SLC35F1: variants seen among roughly 807,000 people sequenced by gnomAD.
The protein encoded by SLC35F1 is solute carrier family 35 member F1, also known as chromosome 6 open reading frame 169.
Under a neutral mutation model 48.7 loss-of-function variants are expected in SLC35F1, and 14 were observed. That is an observed-to-expected ratio of 0.29 (90% CI 0.19 to 0.45). The LOEUF is 0.45. Among genes scored for constraint, SLC35F1 ranks in the 20% least tolerant of loss-of-function variants. The pLI, the probability that SLC35F1 is intolerant of heterozygous loss-of-function variation, is 1.00. For synonymous variants in SLC35F1, 190 were observed against 202.2 expected (o/e 0.94, Z 0.51); for missense variants, 404 against 500.0 (o/e 0.81, Z 1.83).
At chr6:118,022,085 CA>C (rs899592624) in intron 1 of SLC35F1, among the ~76,000 whole-genome samples, 2 of 152,136 alleles carry the variant, frequency 1.3e-5, no homozygotes, top group Non-Finnish European at 2.9e-5. Flanking sequence ...AGAGGATTGC[CA>C]AAACCACATT....
intron 1 of SLC35F1, among the ~76,000 whole-genome samples, chr6:118,021,099 G>A (rs1487865005): frequency 6.6e-6 from 1 of 152,162 alleles, no homozygotes; most frequent in South Asian, 2.1e-4. Context: ...CAAGAATAGA[G>A]CCTGGAGACT....
At chr6:118,298,962 C>G (rs556197799) in intron 7 of SLC35F1, among the ~76,000 whole-genome samples, 1 of 152,056 alleles carries the variant, frequency 6.6e-6, no homozygotes, top group African/African-American at 2.4e-5. Context: ...ATTGCTTGAG[C>G]CTAGGAGTTT....
intron 1 of SLC35F1, among the ~76,000 whole-genome samples, chr6:117,955,138 C>T (rs1776412846): frequency 2.0e-5 from 3 of 152,268 alleles, no homozygotes; most frequent in Admixed American, 2.0e-4. Context: ...AACATTTTTA[C>T]ATGACATTTA....
intron 7 of SLC35F1, among the ~76,000 whole-genome samples, chr6:118,286,775 CTGTGTG>C (rs372641234): frequency 1.5e-4 from 22 of 143,578 alleles, no homozygotes; most frequent in East Asian, 4.0e-4. Flanking sequence ...TACCTTTTTT[CTGTGTG>C]TGTGTGTGTG....
intron 1 of SLC35F1, among the ~76,000 whole-genome samples, chr6:117,963,351 T>A (rs1387978082): frequency 6.6e-6 from 1 of 151,780 alleles, no homozygotes; most frequent in African/African-American, 2.4e-5. Flanking sequence ...TTTATTGTTT[T>A]TTTTTTTTGG....
Position 118,260,178 on chromosome 6 carries a change from A to G in SLC35F1, c.478-6817A>G, listed in dbSNP as rs1292241837. Among the ~76,000 whole-genome samples, 3 of 152,262 alleles carry G rather than the reference A, an allele frequency of 2.0e-5. No individual in the cohort carries two copies. In the East Asian group the frequency reaches 5.8e-4, roughly 29 times the overall value. ...TGAAATAGTCAGAATAGGTAAATCC[A>G]TAGAGACAGAAAGTAGATTCATGTT... On this transcript the variant is annotated intron_variant, in intron 3 of 7. Coordinates refer to ENST00000360388, the MANE Select transcript of SLC35F1 (RefSeq NM_001029858.4).
At chr6:118,080,006 GA>G (rs1308012847) in intron 1 of SLC35F1, among the ~76,000 whole-genome samples, 1 of 152,072 alleles carries the variant, frequency 6.6e-6, no homozygotes, top group African/African-American at 2.4e-5. Flanking sequence ...AGGGGACTAG[GA>G]ATTTAGAAAG....
intron 1 of SLC35F1, among the ~76,000 whole-genome samples, chr6:117,926,002 A>G (rs1000322805): frequency 6.6e-6 from 1 of 152,180 alleles, no homozygotes; most frequent in African/African-American, 2.4e-5. Context: ...GGTATATGAA[A>G]GATCTCACAC....
intron 1 of SLC35F1, among the ~76,000 whole-genome samples, chr6:118,103,334 A>G (rs1247868836): frequency 5.3e-5 from 8 of 152,182 alleles, no homozygotes; most frequent in Non-Finnish European, 8.8e-5. Flanking sequence ...TTTGTTACAT[A>G]TGTATACATG....
intron 3 of SLC35F1, among the ~76,000 whole-genome samples, chr6:118,243,473 T>C (rs963523489): frequency 1.1e-4 from 17 of 152,166 alleles, no homozygotes; most frequent in Non-Finnish European, 2.2e-4. Context: ...CTTAGCTAAA[T>C]GCTAGGGATA....
intron 3 of SLC35F1, among the ~76,000 whole-genome samples, chr6:118,258,386 C>T (rs992586858): frequency 1.1e-4 from 16 of 152,008 alleles, no homozygotes; most frequent in African/African-American, 3.9e-4. Flanking sequence ...TACAAATATC[C>T]AAATTCAAAA....
At chr6:118,254,813 G>C (rs1408902488) in intron 3 of SLC35F1, among the ~76,000 whole-genome samples, 4 of 152,072 alleles carry the variant, frequency 2.6e-5, no homozygotes, top group Non-Finnish European at 5.9e-5. Context: ...ATGTTCCTAT[G>C]TTCATGAATT....
chr6:118,147,523 T>C (rs9387561), intron 1 of SLC35F1, among the ~76,000 whole-genome samples: 1 of 152,066 alleles, frequency 6.6e-6, no homozygotes, highest in African/African-American at 2.4e-5. Flanking sequence ...AGAAGTGTCA[T>C]ACACACGTGT....
rs116365534 is a variant in SLC35F1, at chr6:118,169,289, C to T, written c.349+14669C>T. Among the ~76,000 whole-genome samples the T allele has an allele frequency of 4.6e-3, 697 of 152,278 alleles. 9 individuals are homozygous for T. The highest frequency in any genetic ancestry group is 0.016 in the African/African-American group (665 of 41,572). ...AAAATTTATGAGCAAAATCTATTCA[C>T]GGCTTCACCTGCAAAGCATAAAGGG... On this transcript the variant is annotated intron_variant, in intron 2 of 7. Transcript: ENST00000360388.
intron 1 of SLC35F1, among the ~76,000 whole-genome samples, chr6:118,125,342 G>T (rs902929787): frequency 4.9e-5 from 7 of 143,634 alleles, no homozygotes; most frequent in Non-Finnish European, 1.0e-4. Flanking sequence ...AGACAAAATT[G>T]TGAACGCTTG....
intron 1 of SLC35F1, among the ~76,000 whole-genome samples, chr6:118,070,822 T>C (rs1006359268): frequency 1.4e-5 from 2 of 144,874 alleles, no homozygotes. Context: ...CTATATATAC[T>C]ATGTATACAT....
At chr6:118,229,148 A>T (rs906822419) in intron 2 of SLC35F1, among the ~76,000 whole-genome samples, 1 of 151,368 alleles carries the variant, frequency 6.6e-6, no homozygotes, top group Non-Finnish European at 1.5e-5. Flanking sequence ...TACCACCCTC[A>T]CCCCACCCCA....
In SLC35F1 at chr6:118,285,432, G is replaced by A. The variant is rs149128285; in HGVS notation, c.1002+94G>A. On this transcript the variant is annotated intron_variant, in intron 7 of 7. Coordinates refer to ENST00000360388, the MANE Select transcript of SLC35F1 (RefSeq NM_001029858.4). ...CCTGGATGTGAAATGCCCTGATTTT[G>A]TGTAGGGAATAGTAATGTAACTGGG... 12 of 1,419,462 alleles carry A rather than the reference G, an allele frequency of 8.5e-6. No individual in the cohort carries two copies. In the African/African-American group the frequency reaches 1.5e-4, roughly 18 times the overall value. The allele number at this position is 1,419,462 out of a possible 1,614,324, so 87.9% of individuals were successfully genotyped here.
At chr6:118,203,542 G>T (rs1774896665) in intron 2 of SLC35F1, among the ~76,000 whole-genome samples, 1 of 152,166 alleles carries the variant, frequency 6.6e-6, no homozygotes, top group Non-Finnish European at 1.5e-5. Flanking sequence ...ATCTCCCTCT[G>T]AGGGCTCTTT....
Sources: allele counts gnomAD v4.1 joint callset (sites outside exome capture counted in the v4.1 genomes callset), GRCh38; gene constraint gnomAD v4.1.1; transcripts MANE v1.5; gene names NCBI Gene and HGNC (gene_info 2026-07-23, HGNC 2026-07-21).